Variants in TSC22D1 observed in about 807,000 individuals in gnomAD.
TSC22D1 encodes TSC22 domain family member 1.
In TSC22D1, 9 loss-of-function variants were observed where a neutral mutation model predicts 74.2. The observed-to-expected ratio is 0.12, with a 90% CI of 0.07 to 0.21. TSC22D1 has a LOEUF of 0.21. TSC22D1 is among the 10% of genes least tolerant of loss of function. TSC22D1 has a pLI of 1.00. For missense variants in TSC22D1, 1,427 were observed against 1,304.7 expected (o/e 1.09, Z -1.44); for synonymous variants, 586 against 492.5 (o/e 1.19, Z -2.51).
At chr13:44,517,857 A>ATATTTTTTTTTTTT (rs10627677) in intron 1 of TSC22D1, among the ~76,000 whole-genome samples, 1 of 16,174 alleles carries the variant, frequency 6.2e-5, no homozygotes, top group Non-Finnish European at 1.4e-4. Flanking sequence ...ATATATATAT[A>ATATTTTTTTTTTTT]TTTTTTTTTT....
intron 1 of TSC22D1, among the ~76,000 whole-genome samples, chr13:44,498,729 G>A (rs1313424570): frequency 6.6e-6 from 1 of 152,076 alleles, no homozygotes; most frequent in Non-Finnish European, 1.5e-5. Context: ...TCAGTAGTGA[G>A]GATCACTATT....
At chr13:44,516,169 A>T (rs1879969283) in intron 1 of TSC22D1, among the ~76,000 whole-genome samples, 1 of 152,156 alleles carries the variant, frequency 6.6e-6, no homozygotes, top group Non-Finnish European at 1.5e-5. Flanking sequence ...ATAATACATT[A>T]CTTGACCTGC....
intron 1 of TSC22D1, among the ~76,000 whole-genome samples, chr13:44,562,809 T>C (rs1008967226): frequency 1.3e-5 from 2 of 152,278 alleles, no homozygotes; most frequent in South Asian, 2.1e-4. Flanking sequence ...ATAAACTCTA[T>C]AAAAACGCTA....
intron 1 of TSC22D1, chr13:44,436,700 A>G: frequency 6.6e-7 from 1 of 1,521,662 alleles, no homozygotes; most frequent in Non-Finnish European, 8.8e-7. Flanking sequence ...GCTAGATAAA[A>G]TCTTCTGGCT....
chr13:44,502,434 A>G (rs926629323), intron 1 of TSC22D1, among the ~76,000 whole-genome samples: 2 of 152,176 alleles, frequency 1.3e-5, no homozygotes, highest in Non-Finnish European at 2.9e-5. Context: ...TCCTTAACTA[A>G]GATTCCTTCA....
chr13:44,478,416 CTAAA>C (rs1391318737), intron 1 of TSC22D1, among the ~76,000 whole-genome samples: 3 of 152,090 alleles, frequency 2.0e-5, no homozygotes, highest in Admixed American at 2.0e-4. Flanking sequence ...CACAGAAAGA[CTAAA>C]TAACATGCCC....
intron 1 of TSC22D1, among the ~76,000 whole-genome samples, chr13:44,542,475 A>G (rs9533901): frequency 6.6e-6 from 1 of 152,066 alleles, no homozygotes; most frequent in Non-Finnish European, 1.5e-5. Flanking sequence ...CAACAAACTT[A>G]GATTTAAAAA....
chr13:44,484,534 GTAT>G (rs1478644028), intron 1 of TSC22D1, among the ~76,000 whole-genome samples: 10 of 152,188 alleles, frequency 6.6e-5, no homozygotes, highest in African/African-American at 2.4e-4. Flanking sequence ...GCATAGCTGT[GTAT>G]TATTATCATG....
chr13:44,568,092 TAA>T, intron 1 of TSC22D1, among the ~76,000 whole-genome samples: 1 of 152,048 alleles, frequency 6.6e-6, no homozygotes, highest in East Asian at 1.9e-4. Context: ...GCACAAAATA[TAA>T]GAGAACATAA....
At chr13:44,500,437 C>G (rs1879174071) in intron 1 of TSC22D1, among the ~76,000 whole-genome samples, 1 of 152,126 alleles carries the variant, frequency 6.6e-6, no homozygotes, top group South Asian at 2.1e-4. Context: ...TCTTAGTTGA[C>G]TATATATCTA....
intron 1 of TSC22D1, among the ~76,000 whole-genome samples, chr13:44,513,353 G>A (rs1045440733): frequency 2.0e-5 from 3 of 152,134 alleles, no homozygotes; most frequent in Non-Finnish European, 4.4e-5. Context: ...TCTCAAACAT[G>A]AACATACTTT....
intron 1 of TSC22D1, among the ~76,000 whole-genome samples, chr13:44,473,622 T>C (rs1877732069): frequency 6.6e-6 from 1 of 152,156 alleles, no homozygotes; most frequent in Non-Finnish European, 1.5e-5. Flanking sequence ...TGTGTGTGTG[T>C]GTGTATATAT....
chr13:44,464,009 G>A (rs1877134514), intron 1 of TSC22D1, among the ~76,000 whole-genome samples: 1 of 152,150 alleles, frequency 6.6e-6, no homozygotes, highest in South Asian at 2.1e-4. Flanking sequence ...TCCGGCCCCA[G>A]TGTCAAGTCT....
intron 1 of TSC22D1, among the ~76,000 whole-genome samples, chr13:44,514,984 C>G (rs1186675608): frequency 1.3e-5 from 2 of 152,162 alleles, no homozygotes; most frequent in Non-Finnish European, 1.5e-5. Context: ...TAATGGCATA[C>G]TCTAATGATA....
intron 1 of TSC22D1, among the ~76,000 whole-genome samples, chr13:44,490,878 C>A (rs1001789260): frequency 6.6e-6 from 1 of 150,984 alleles, no homozygotes; most frequent in Admixed American, 6.6e-5. Context: ...GCCTGGGCAA[C>A]AAGGCTGGAG....
At chr13:44,477,930 T>C (rs1783779831) in intron 1 of TSC22D1, among the ~76,000 whole-genome samples, 1 of 152,114 alleles carries the variant, frequency 6.6e-6, no homozygotes, top group Admixed American at 6.5e-5. Flanking sequence ...CGTGAGCCAC[T>C]GCGCCCAGCC....
At chr13:44,491,659 G>T (rs1304842804) in intron 1 of TSC22D1, among the ~76,000 whole-genome samples, 2 of 151,830 alleles carry the variant, frequency 1.3e-5, no homozygotes, top group African/African-American at 4.8e-5. Flanking sequence ...TTGAGAAAAT[G>T]AATTTACGGA....
At chr13:44,501,691 A>C (rs1459548646) in intron 1 of TSC22D1, among the ~76,000 whole-genome samples, 1 of 152,226 alleles carries the variant, frequency 6.6e-6, no homozygotes, top group Non-Finnish European at 1.5e-5. Flanking sequence ...CTAAGAGTCT[A>C]CTGTAATAAA....
chr13:44,490,519 C>G (rs929261739), intron 1 of TSC22D1, among the ~76,000 whole-genome samples: 8 of 151,674 alleles, frequency 5.3e-5, no homozygotes, highest in Admixed American at 5.3e-4. Context: ...CCAAAAAAAT[C>G]AATATTTTAG....
Sources: gnomAD v4.1 joint callset for allele counts (sites outside exome capture counted in the v4.1 genomes callset) on GRCh38, gnomAD v4.1.1 for gene constraint, MANE v1.5 for transcripts, NCBI Gene and HGNC (gene_info 2026-07-23, HGNC 2026-07-21) for gene names.